CREB3L2: variants seen among roughly 807,000 people sequenced by gnomAD.
CREB3L2 encodes cyclic AMP-responsive element-binding protein 3-like protein 2.
In CREB3L2, 23 loss-of-function variants were observed where a neutral mutation model predicts 57.2. The ratio of observed to expected loss-of-function variants is 0.40; its 90% CI spans 0.29 to 0.57. The LOEUF is 0.57. CREB3L2 is among the 20% of genes least tolerant of loss of function. CREB3L2 has a pLI of 0.42. For missense variants in CREB3L2, 628 were observed against 634.7 expected (o/e 0.99, Z 0.11); for synonymous variants, 268 against 265.1 (o/e 1.01, Z -0.11).
intron 4 of CREB3L2, among the ~76,000 whole-genome samples, chr7:137,908,679 A>G (rs1241104939): frequency 6.6e-6 from 1 of 151,940 alleles, no homozygotes; most frequent in Non-Finnish European, 1.5e-5. Flanking sequence ...AAACCAATAA[A>G]CGTGCGACCA....
intron 1 of CREB3L2, among the ~76,000 whole-genome samples, chr7:137,977,952 AGGAGGGGAGG>A (rs572451756): frequency 7.6e-6 from 1 of 131,820 alleles, no homozygotes; most frequent in African/African-American, 2.8e-5. Context: ...GGAAAGGAAA[AGGAGGGGAGG>A]GGAGGGGAGG....
At chr7:137,984,682 C>G (rs1441363674) in intron 1 of CREB3L2, among the ~76,000 whole-genome samples, 1 of 152,194 alleles carries the variant, frequency 6.6e-6, no homozygotes, top group Non-Finnish European at 1.5e-5. Flanking sequence ...GCTCCTGCAG[C>G]TTTTTGTTTG....
chr7:137,955,244 A>G lies in CREB3L2; in HGVS notation c.103-26878T>C, dbSNP rs535815569. The G allele has an allele frequency of 1.2e-4, 155 of 1,283,694 alleles. No homozygotes were observed. The African/African-American group carries it at 2.2e-3, about 18-fold the overall frequency. 79.5% of individuals were successfully genotyped at this position (1,283,694 alleles called of 1,614,324 possible). A position where few individuals can be genotyped will look rare whatever the true frequency, so the allele number is the denominator to read the frequency against. ...AATGAGTACAGTAAGAATCCATCCAACAGGTATAGAAAAAGCACGTGTTCA... is the reference window on the plus strand; with the variant it reads ...AATGAGTACAGTAAGAATCCATCCAGCAGGTATAGAAAAAGCACGTGTTCA... On this transcript the variant is annotated intron_variant, in intron 1 of 11. Coordinates refer to ENST00000330387, the MANE Select transcript of CREB3L2 (RefSeq NM_194071.4).
At chr7:137,922,418 A>ATG (rs1554498038) in intron 2 of CREB3L2, among the ~76,000 whole-genome samples, 35 of 37,678 alleles carry the variant, frequency 9.3e-4, no homozygotes, top group Non-Finnish European at 1.2e-3. Context: ...ATATATATGT[A>ATG]TATATATATA....
At position 137,880,495 on chromosome 7, in the gene CREB3L2, C is replaced by T; in HGVS notation, c.1544G>A (p.Arg515Lys). 1.2e-6 allele frequency: 2 copies of T among 1,613,734 alleles called. No individual in the cohort carries two copies. The highest frequency in any genetic ancestry group is 1.7e-6 in the Non-Finnish European group (2 of 1,179,788). ...ETLKVVELDR[R>K]VNTTF ...GCCTCTTTAGAAAGTGGTGTTCACT[C>T]TTCTGTCGAGTTCTACAACTTTTAG... is the stretch of plus-strand genomic sequence containing the variant. Residue 515 changes from arginine (R) to lysine (K), a missense_variant, in exon 12 of 12, where the codon AGA becomes AAA. Transcript: ENST00000330387. The surrounding 1 kb of genome is among the most constrained non-coding windows in gnomAD (Gnocchi z 4.0).
chr7:137,904,855 A>G (rs569987409), intron 6 of CREB3L2, among the ~76,000 whole-genome samples: 6 of 151,904 alleles, frequency 3.9e-5, no homozygotes, highest in Non-Finnish European at 8.8e-5. Context: ...AAAAAAAAGA[A>G]AGAAAGAAAA....
intron 4 of CREB3L2, 62 bp downstream of exon 4, chr7:137,912,929 C>T (rs775813301): frequency 6.2e-7 from 1 of 1,601,136 alleles, no homozygotes; most frequent in Non-Finnish European, 8.5e-7. Context: ...CGCCATATTC[C>T]CTCTCTGTAG....
intron 8 of CREB3L2, among the ~76,000 whole-genome samples, chr7:137,892,059 G>T (rs1331655832): frequency 6.6e-6 from 1 of 152,136 alleles, no homozygotes; most frequent in Non-Finnish European, 1.5e-5. Context: ...AGCACCTAGA[G>T]CAGTCATTTC....
In CREB3L2 at chr7:137,879,686, G is replaced by A; in HGVS notation, c.*790C>T. On this transcript the variant is annotated 3_prime_UTR_variant, in exon 12 of 12. Coordinates refer to ENST00000330387, the MANE Select transcript of CREB3L2 (RefSeq NM_194071.4). ...CGCAGAAAACTTGGCTAGCTTGAAA[G>A]GAGGCATCGATCTCTTCAGTGTGGT... 1 of 240,258 alleles carries A rather than the reference G, an allele frequency of 4.2e-6. No individual in the cohort carries two copies. Among genetic ancestry groups the A allele is most frequent in the Non-Finnish European group, 8.2e-6 (1 of 122,530 alleles). 14.9% of individuals were successfully genotyped at this position (240,258 alleles called of 1,614,324 possible).
chr7:137,952,088 G>A (rs944789172), intron 1 of CREB3L2, among the ~76,000 whole-genome samples: 42 of 152,132 alleles, frequency 2.8e-4, no homozygotes, highest in Non-Finnish European at 5.7e-4. Context: ...TGTTATTTTC[G>A]TAATTTAAAA....
intron 1 of CREB3L2, among the ~76,000 whole-genome samples, chr7:137,945,102 C>A (rs894047771): frequency 6.6e-6 from 1 of 151,768 alleles, no homozygotes; most frequent in African/African-American, 2.4e-5. Context: ...ACCATGTTGG[C>A]CAGGCTGGTC....
At chr7:137,933,829 G>C (rs570976099) in intron 1 of CREB3L2, 76 of 152,368 alleles carry the variant, frequency 5.0e-4, no homozygotes, top group African/African-American at 1.8e-3. Flanking sequence ...TGGGCTCCAA[G>C]ACTCAGCAGA....
chr7:137,952,989 G>T (rs1216781235), intron 1 of CREB3L2, among the ~76,000 whole-genome samples: 4 of 152,078 alleles, frequency 2.6e-5, no homozygotes, highest in Admixed American at 6.5e-5. Flanking sequence ...GATAATTTTT[G>T]TATTTTTCGT....
chr7:137,991,232 C>T (rs1165776769), intron 1 of CREB3L2, among the ~76,000 whole-genome samples: 7 of 151,662 alleles, frequency 4.6e-5, no homozygotes, highest in South Asian at 2.1e-4. Context: ...GGCATGATCT[C>T]GGCTCAATGC....
intron 4 of CREB3L2, chr7:137,912,743 G>T (rs1323029428): frequency 8.2e-6 from 9 of 1,097,072 alleles, no homozygotes; most frequent in Non-Finnish European, 1.2e-5. Flanking sequence ...ATATCACCCT[G>T]GTTAGAAGTA....
chr7:137,971,694 C>T (rs1801510457), intron 1 of CREB3L2, among the ~76,000 whole-genome samples: 1 of 151,562 alleles, frequency 6.6e-6, no homozygotes, highest in Admixed American at 6.6e-5. Context: ...AAAAAAAGGC[C>T]AGGGTCTGTT....
chr7:137,894,617 G>C (rs1430282758), intron 8 of CREB3L2, among the ~76,000 whole-genome samples: 1 of 152,164 alleles, frequency 6.6e-6, no homozygotes, highest in Non-Finnish European at 1.5e-5. Flanking sequence ...CTTTGGACAG[G>C]GAATTCCAGG....
intron 1 of CREB3L2, among the ~76,000 whole-genome samples, chr7:137,940,205 A>C (rs1377029358): frequency 1.3e-5 from 2 of 152,150 alleles, no homozygotes; most frequent in African/African-American, 4.8e-5. Context: ...CTTAAACAGA[A>C]GGCATCCCCA....
Position 137,875,444 on chromosome 7 carries a change from G to A in CREB3L2, c.*5032C>T. 9.0e-6 allele frequency: 2 copies of A among 222,330 alleles called. No homozygotes were observed. Among genetic ancestry groups the A allele is most frequent in the East Asian group, 1.3e-4 (2 of 15,300 alleles). 13.8% of individuals were successfully genotyped at this position (222,330 alleles called of 1,614,324 possible). ...TGTTCTCACTCAGCTGGTGAGCGAA[G>A]GATGGGAGCAGAGAACAGAGCTAAA... is the stretch of plus-strand genomic sequence containing the variant. On this transcript the variant is annotated 3_prime_UTR_variant, in exon 12 of 12. Coordinates refer to ENST00000330387, the MANE Select transcript of CREB3L2 (RefSeq NM_194071.4).
Sources: allele counts gnomAD v4.1 joint callset (sites outside exome capture counted in the v4.1 genomes callset), GRCh38; gene constraint gnomAD v4.1.1; non-coding constraint Gnocchi (gnomAD v3.1); transcripts MANE v1.5; gene names NCBI Gene and HGNC (gene_info 2026-07-23, HGNC 2026-07-21).